Variants in ABLIM2 observed in about 807,000 individuals in gnomAD.
The protein encoded by ABLIM2 is actin binding LIM protein family member 2.
A neutral mutation model predicts 97.7 loss-of-function variants in ABLIM2; 53 were observed. The observed-to-expected ratio is 0.54, with a 90% CI of 0.44 to 0.68. ABLIM2 has a LOEUF of 0.68. ABLIM2 is among the 30% of genes least tolerant of loss of function. The pLI is 0.00. For synonymous variants in ABLIM2, 361 were observed against 345.8 expected (o/e 1.04, Z -0.49); for missense variants, 835 against 867.2 (o/e 0.96, Z 0.47).
chr4:7,991,247 G>A (rs975291084), intron 17 of ABLIM2, among the ~76,000 whole-genome samples: 1 of 151,760 alleles, frequency 6.6e-6, no homozygotes, highest in Non-Finnish European at 1.5e-5. Context: ...ATTTTAGCAT[G>A]TGAGCCTAGA....
In ABLIM2 at chr4:8,124,958, G is replaced by A. The variant is rs1055501913; in HGVS notation, c.11-18321C>T. Among the ~76,000 whole-genome samples, 6 of 152,236 alleles carry A rather than the reference G, an allele frequency of 3.9e-5. 1 individual carries two copies. The highest frequency in any genetic ancestry group is 3.4e-3 in the Middle Eastern group (1 of 294). ...CGTCTCACTGGGATTCTGATGTGCCGTTCCCTGTGGGCGAATGATGCTGGG... is the reference window on the plus strand; with the variant it reads ...CGTCTCACTGGGATTCTGATGTGCCATTCCCTGTGGGCGAATGATGCTGGG... On this transcript the variant is annotated intron_variant, in intron 1 of 20. Transcript: ENST00000447017. This position sits in a 1 kb window ranked among gnomAD's most constrained non-coding sequence, Gnocchi z 6.1.
chr4:8,011,609 T>C (rs948306460), intron 14 of ABLIM2, among the ~76,000 whole-genome samples: 5 of 152,194 alleles, frequency 3.3e-5, no homozygotes, highest in Non-Finnish European at 4.4e-5. Context: ...AAATTAGGAA[T>C]AAACAAGAGG....
chr4:8,153,253 C>A (rs1265400453), intron 1 of ABLIM2, among the ~76,000 whole-genome samples: 1 of 152,212 alleles, frequency 6.6e-6, no homozygotes, highest in African/African-American at 2.4e-5. Context: ...CAGGGACACA[C>A]ACCTTTTTCT....
chr4:7,995,480 T>A (rs1237379581), intron 16 of ABLIM2, among the ~76,000 whole-genome samples: 5 of 152,172 alleles, frequency 3.3e-5, no homozygotes, highest in Non-Finnish European at 7.4e-5. Context: ...TCCGGGGACC[T>A]CACTTCTGAG....
At chr4:8,041,952 GC>G (rs777479992) in intron 9 of ABLIM2, among the ~76,000 whole-genome samples, 5 of 152,080 alleles carry the variant, frequency 3.3e-5, no homozygotes, top group Admixed American at 6.6e-5. Flanking sequence ...GTTACTATGT[GC>G]CGTGCAGGTT....
intron 3 of ABLIM2, among the ~76,000 whole-genome samples, chr4:8,090,649 T>C (rs1197023744): frequency 1.3e-5 from 2 of 152,146 alleles, no homozygotes; most frequent in African/African-American, 4.8e-5. Flanking sequence ...GTGATCATCA[T>C]TGTCACCATG....
chr4:8,141,686 T>C (rs978036498), intron 1 of ABLIM2, among the ~76,000 whole-genome samples: 48 of 152,222 alleles, frequency 3.2e-4, no homozygotes, highest in African/African-American at 1.1e-3. Flanking sequence ...CTGCTCCTAG[T>C]ATCAGCCAGT....
chr4:8,139,064 C>T (rs535444891), intron 1 of ABLIM2, among the ~76,000 whole-genome samples: 380 of 152,304 alleles, frequency 2.5e-3, no homozygotes, highest in African/African-American at 9.0e-3. Context: ...GACATGGTGG[C>T]AGACACTTGT....
At chr4:8,055,638 A>G (rs2152003671) in intron 7 of ABLIM2, among the ~76,000 whole-genome samples, 1 of 152,298 alleles carries the variant, frequency 6.6e-6, no homozygotes, top group South Asian at 2.1e-4. Flanking sequence ...TGTGTGTGCA[A>G]TGAGGGAACT....
chr4:8,045,676 A>G (rs1325488599), intron 8 of ABLIM2, among the ~76,000 whole-genome samples: 2 of 152,104 alleles, frequency 1.3e-5, no homozygotes, highest in African/African-American at 4.8e-5. Context: ...AAATAAATAA[A>G]TAAATAAAGT....
At chr4:8,030,698 G>C (rs1021582012) in intron 10 of ABLIM2, among the ~76,000 whole-genome samples, 1 of 152,214 alleles carries the variant, frequency 6.6e-6, no homozygotes, top group Admixed American at 6.5e-5. Context: ...CTCTCGGGCC[G>C]GCTAGTGCCC....
chr4:8,028,115 TA>T (rs1778605484), intron 11 of ABLIM2, among the ~76,000 whole-genome samples: 1 of 152,218 alleles, frequency 6.6e-6, no homozygotes, highest in South Asian at 2.1e-4. Flanking sequence ...CAGGGGGGGT[TA>T]GGCCCCTAGC....
intron 1 of ABLIM2, among the ~76,000 whole-genome samples, chr4:8,156,726 G>A (rs1715489714): frequency 6.6e-6 from 1 of 152,240 alleles, no homozygotes; most frequent in African/African-American, 2.4e-5. Flanking sequence ...TGTGGGGAGG[G>A]CCACAGGGGA....
intron 1 of ABLIM2, among the ~76,000 whole-genome samples, chr4:8,146,898 CAA>C (rs146671295): frequency 0.029 from 4,434 of 152,178 alleles, 177 homozygotes; most frequent in African/African-American, 0.1. Flanking sequence ...TGCACATAAG[CAA>C]AAGCTCTCTG....
rs1453248209 is a variant in ABLIM2, at chr4:8,023,144, CA to C, written c.1268-2842del. The C allele has an allele frequency of 2.0e-5, 3 of 152,354 alleles. No homozygotes were observed. Among genetic ancestry groups the C allele is most frequent in the East Asian group, 1.9e-4 (1 of 5,192 alleles). 9.4% of individuals were successfully genotyped at this position (152,354 alleles called of 1,614,324 possible). On this transcript the variant is annotated intron_variant, in intron 12 of 20. Coordinates refer to ENST00000447017, the MANE Select transcript of ABLIM2 (RefSeq NM_001130083.2). This position sits in a 1 kb window ranked among gnomAD's most constrained non-coding sequence, Gnocchi z 5.7. Reference sequence around the variant, plus strand: ...TCATTAGGAACAGCTTCAGGTAGTCCAGGGGGCTCCCGCACCCTCCCGGCCC... The same window carrying C: ...TCATTAGGAACAGCTTCAGGTAGTCCGGGGGCTCCCGCACCCTCCCGGCCC...
chr4:8,093,180 CTTATTA>C (rs1283888660), intron 3 of ABLIM2, among the ~76,000 whole-genome samples: 1 of 152,130 alleles, frequency 6.6e-6, no homozygotes, highest in African/African-American at 2.4e-5. Context: ...TATTTTGGGT[CTTATTA>C]TTATTGAGTT....
chr4:8,100,170 C>T (rs915225156), intron 2 of ABLIM2, among the ~76,000 whole-genome samples: 8 of 152,104 alleles, frequency 5.3e-5, no homozygotes, highest in Non-Finnish European at 7.4e-5. Context: ...AAACTTTTCC[C>T]GCCCTTTGAC....
intron 8 of ABLIM2, among the ~76,000 whole-genome samples, chr4:8,051,017 C>T (rs2151907380): frequency 6.6e-6 from 1 of 152,388 alleles, no homozygotes; most frequent in Non-Finnish European, 1.5e-5. Context: ...TGACCCCTGC[C>T]CGCTAGGCCA....
intron 6 of ABLIM2, among the ~76,000 whole-genome samples, chr4:8,064,047 C>T (rs1250975577): frequency 2.0e-5 from 3 of 152,152 alleles, no homozygotes; most frequent in Admixed American, 6.5e-5. Context: ...CTGTGCAGTC[C>T]GATCCTAGCC....
Sources: gnomAD v4.1 joint callset for allele counts (sites outside exome capture counted in the v4.1 genomes callset) on GRCh38, gnomAD v4.1.1 for gene constraint, Gnocchi (gnomAD v3.1) non-coding constraint, MANE v1.5 for transcripts, NCBI Gene and HGNC (gene_info 2026-07-23, HGNC 2026-07-21) for gene names.